ARHGAP26: variants seen among roughly 807,000 people sequenced by gnomAD.
ARHGAP26 encodes Rho GTPase activating protein 26.
In ARHGAP26, 38 loss-of-function variants were observed where a neutral mutation model predicts 104.8. That is an observed-to-expected ratio of 0.36 (90% CI 0.28 to 0.48). The LOEUF (loss-of-function observed/expected upper bound fraction) is 0.48. Among genes scored for constraint, ARHGAP26 ranks in the 20% least tolerant of loss-of-function variants. The pLI is 0.99. For synonymous variants in ARHGAP26, 341 were observed against 340.0 expected (o/e 1.00, Z -0.03); for missense variants, 704 against 947.9 (o/e 0.74, Z 3.38).
intron 5 of ARHGAP26, 32 bp from the exon 6 acceptor site, chr5:142,894,206 G>T: frequency 6.3e-7 from 1 of 1,594,736 alleles, no homozygotes; most frequent in South Asian, 1.1e-5. Flanking sequence ...GTAGTGACTT[G>T]ATTTTTCTCT....
intron 19 of ARHGAP26, among the ~76,000 whole-genome samples, 199 bp from the exon 20 acceptor site, chr5:143,147,032 T>C (rs1198812985): frequency 6.6e-6 from 1 of 152,196 alleles, no homozygotes; most frequent in Non-Finnish European, 1.5e-5. Context: ...GGGTTTGCTT[T>C]AAAATTTCGA....
rs1394791728 is a variant in ARHGAP26, at chr5:143,224,180, A to G, written c.*1734A>G. The G allele has an allele frequency of 3.0e-5, 7 of 230,222 alleles. No individual in the cohort carries two copies. Among genetic ancestry groups the G allele is most frequent in the African/African-American group, 1.6e-4 (7 of 45,032 alleles). 14.3% of individuals were successfully genotyped at this position (230,222 alleles called of 1,614,324 possible). ...ACTATATGGCAAAGTTTTATATTTG[A>G]TATTCTTTAAGTTAGTTGCTCACAC... is the stretch of plus-strand genomic sequence containing the variant. On this transcript the variant is annotated 3_prime_UTR_variant, in exon 23 of 23. Coordinates refer to ENST00000645722, the MANE Select transcript of ARHGAP26 (RefSeq NM_001135608.3).
chr5:143,137,146 C>G (rs751480733), intron 19 of ARHGAP26, among the ~76,000 whole-genome samples: 2 of 152,190 alleles, frequency 1.3e-5, no homozygotes, highest in Non-Finnish European at 2.9e-5. Context: ...GTATTATTCT[C>G]TAATATATGT....
chr5:143,203,755 A>G (rs1007667271), intron 20 of ARHGAP26: 1 of 152,252 alleles, frequency 6.6e-6, no homozygotes, highest in Non-Finnish European at 1.5e-5. Flanking sequence ...AAAAAGGATG[A>G]CTTCATGTCC....
chr5:143,028,831 C>T (rs1781445285), intron 12 of ARHGAP26, among the ~76,000 whole-genome samples: 1 of 152,198 alleles, frequency 6.6e-6, no homozygotes, highest in Non-Finnish European at 1.5e-5. Flanking sequence ...AGTTAGTTCA[C>T]ATTCCCTGAA....
At chr5:143,152,697 C>T (rs1799990970) in intron 20 of ARHGAP26, among the ~76,000 whole-genome samples, 1 of 152,236 alleles carries the variant, frequency 6.6e-6, no homozygotes, top group African/African-American at 2.4e-5. Context: ...TGTGCCTTCC[C>T]AGGCCCAGGC....
At chr5:143,148,760 C>G (rs1267335680) in intron 20 of ARHGAP26, among the ~76,000 whole-genome samples, 1 of 152,194 alleles carries the variant, frequency 6.6e-6, no homozygotes, top group Non-Finnish European at 1.5e-5. Flanking sequence ...TACCCACTTT[C>G]CTAGACTTTA....
At chr5:142,999,450 G>A (rs1288806741) in intron 11 of ARHGAP26, among the ~76,000 whole-genome samples, 1 of 152,138 alleles carries the variant, frequency 6.6e-6, no homozygotes, top group African/African-American at 2.4e-5. Context: ...GGGGGAAGGA[G>A]AAAGAGGAGA....
At chr5:143,125,142 T>C (rs1408116080) in intron 18 of ARHGAP26, among the ~76,000 whole-genome samples, 1 of 152,216 alleles carries the variant, frequency 6.6e-6, no homozygotes, top group Non-Finnish European at 1.5e-5. Context: ...TAATTCAGTT[T>C]CTTTAACCTG....
intron 20 of ARHGAP26, among the ~76,000 whole-genome samples, chr5:143,201,243 G>A (rs554593479): frequency 2.0e-5 from 3 of 152,300 alleles, no homozygotes; most frequent in African/African-American, 7.2e-5. Context: ...AGATGTGGGG[G>A]CCTGGCAGGA....
intron 11 of ARHGAP26, among the ~76,000 whole-genome samples, chr5:143,009,712 C>T (rs529692032): frequency 1.1e-4 from 17 of 152,300 alleles, no homozygotes; most frequent in South Asian, 2.1e-4. Context: ...CTTGTTGGCA[C>T]GGATCTTTAA....
intron 2 of ARHGAP26, chr5:142,874,793 C>T (rs1021542323): frequency 3.4e-5 from 8 of 232,566 alleles, no homozygotes; most frequent in South Asian, 1.1e-4. Context: ...AACTCCTAAG[C>T]GGAACTCTGC....
intron 22 of ARHGAP26, among the ~76,000 whole-genome samples, chr5:143,215,820 A>G (rs1810259548): frequency 6.6e-6 from 1 of 152,178 alleles, no homozygotes; most frequent in African/African-American, 2.4e-5. Flanking sequence ...TTTATGTGCG[A>G]TGGTATGGAT....
intron 20 of ARHGAP26, among the ~76,000 whole-genome samples, chr5:143,151,721 C>CAA (rs1223049665): frequency 6.6e-6 from 1 of 152,098 alleles, no homozygotes; most frequent in African/African-American, 2.4e-5. Context: ...TTTGGGAGGC[C>CAA]AAGGCAGGCA....
chr5:143,058,396 C>T (rs909028613), intron 17 of ARHGAP26, among the ~76,000 whole-genome samples: 1 of 152,178 alleles, frequency 6.6e-6, no homozygotes, highest in Non-Finnish European at 1.5e-5. Flanking sequence ...CAGTAGGGAC[C>T]TGATTTTCTT....
chr5:142,990,732 A>T (rs965120014), intron 11 of ARHGAP26, among the ~76,000 whole-genome samples: 1 of 152,224 alleles, frequency 6.6e-6, no homozygotes, highest in Non-Finnish European at 1.5e-5. Context: ...GGTCCACTCC[A>T]GACCCTGTTT....
In ARHGAP26 at chr5:143,103,150, C is replaced by T. The variant is rs184982230; in HGVS notation, c.1539-17838C>T. 4.6e-3 allele frequency: 3,256 copies of T among 712,952 alleles called. 5 individuals carry two copies. The highest frequency in any genetic ancestry group is 5.3e-3 in the Non-Finnish European group (3,074 of 581,778). 44.2% of individuals were successfully genotyped at this position (712,952 alleles called of 1,614,324 possible). A position where few individuals can be genotyped will look rare whatever the true frequency, so the allele number is the denominator to read the frequency against. On this transcript the variant is annotated intron_variant, in intron 17 of 22. Transcript: ENST00000645722. ...AAGGTGCCATCCTTGCCTGGTATGTCGTCTTCTTTACCTGTTCTTTTGATT... is the reference window on the plus strand; with the variant it reads ...AAGGTGCCATCCTTGCCTGGTATGTTGTCTTCTTTACCTGTTCTTTTGATT...
chr5:142,958,438 A>T (rs955028202), intron 11 of ARHGAP26, among the ~76,000 whole-genome samples: 1 of 151,802 alleles, frequency 6.6e-6, no homozygotes, highest in East Asian at 1.9e-4. Context: ...AGGCCAAGGC[A>T]GGGGGATTGC....
intron 3 of ARHGAP26, among the ~76,000 whole-genome samples, chr5:142,878,945 G>T (rs918441378): frequency 1.3e-5 from 2 of 152,172 alleles, no homozygotes; most frequent in Admixed American, 1.3e-4. Context: ...TATGCCATCA[G>T]ATGTCCAGAG....
Sources: allele counts gnomAD v4.1 joint callset (sites outside exome capture counted in the v4.1 genomes callset), GRCh38; gene constraint gnomAD v4.1.1; transcripts MANE v1.5; gene names NCBI Gene and HGNC (gene_info 2026-07-23, HGNC 2026-07-21).